ANKRD10: variants seen among roughly 807,000 people sequenced by gnomAD.
ANKRD10 encodes the protein ankyrin repeat domain-containing protein 10.
ANKRD10 carries 14 observed loss-of-function variants against 27.0 expected under a neutral mutation model. That is an observed-to-expected ratio of 0.52 (90% confidence interval 0.34 to 0.81). ANKRD10 has a LOEUF of 0.81. Among genes scored for constraint, ANKRD10 ranks in the 40% least tolerant of loss-of-function variants. The pLI is 0.01. For synonymous variants in ANKRD10, 250 were observed against 224.5 expected (o/e 1.11, Z -1.01); for missense variants, 493 against 544.0 (o/e 0.91, Z 0.93).
intron 4 of ANKRD10, among the ~76,000 whole-genome samples, chr13:110,891,051 T>C (rs916861821): frequency 1.3e-5 from 2 of 152,210 alleles, no homozygotes; most frequent in Non-Finnish European, 2.9e-5. Context: ...TCTAGGTGCA[T>C]TTTGAGTCCA....
chr13:110,894,252 A>G, intron 3 of ANKRD10: 1 of 1,279,218 alleles, frequency 7.8e-7, no homozygotes, highest in Non-Finnish European at 1.1e-6. Flanking sequence ...AACAAACGGG[A>G]GAAGTACTTA....
intron 4 of ANKRD10, among the ~76,000 whole-genome samples, chr13:110,889,922 G>C (rs1388516056): frequency 1.3e-5 from 2 of 152,130 alleles, no homozygotes; most frequent in Non-Finnish European, 2.9e-5. Flanking sequence ...CCTGGCACCT[G>C]TAACTTTTTT....
At position 110,914,905 on chromosome 13, in the gene ANKRD10, TACGCCC is replaced by T. The variant is rs750555076; in HGVS notation, c.24_29del (p.Gly9_Val10del). 159 of 1,537,560 alleles carry T rather than the reference TACGCCC, an allele frequency of 1.0e-4. No individual in the cohort carries two copies. Among genetic ancestry groups the T allele is most frequent in the Non-Finnish European group, 1.3e-4 (147 of 1,146,106 alleles). ...GCTCCTCGCTGGAGAAGCCCGCCTC[TACGCCC>T]GCGCCCGCTCCCGCCGCCGACATGG... On this transcript the variant is annotated inframe_deletion, in exon 1 of 6. Coordinates refer to ENST00000267339, the MANE Select transcript of ANKRD10 (RefSeq NM_017664.4).
In ANKRD10 at chr13:110,905,721, CTAGT is replaced by C. The variant is rs557443316; in HGVS notation, c.455+308_455+311del. On this transcript the variant is annotated intron_variant, in intron 3 of 5. Transcript: ENST00000267339. ...AAGTTTAAAGACCACAGTGACACAA[CTAGT>C]TAGTGGCAAAGTAATGGTGGCAAAG... 1.3e-4 allele frequency among the ~76,000 whole-genome samples: 20 copies of C among 152,312 alleles called. No individual in the cohort carries two copies. The South Asian group carries it at 3.9e-3, about 30-fold the overall frequency.
At chr13:110,889,535 G>A (rs1256870065) in intron 4 of ANKRD10, among the ~76,000 whole-genome samples, 2 of 152,156 alleles carry the variant, frequency 1.3e-5, no homozygotes, top group African/African-American at 4.8e-5. Flanking sequence ...TAATATTCAA[G>A]CAATACAAAA....
intron 2 of ANKRD10, among the ~76,000 whole-genome samples, chr13:110,908,066 A>G (rs1349885302): frequency 6.6e-6 from 1 of 151,520 alleles, no homozygotes; most frequent in Non-Finnish European, 1.5e-5. Flanking sequence ...AAGAGAAAAG[A>G]TACGTAAGAC....
chr13:110,895,095 A>G (rs985766220), intron 3 of ANKRD10: 16 of 152,344 alleles, frequency 1.1e-4, no homozygotes, highest in South Asian at 4.1e-4. Context: ...CAAGGAGAAC[A>G]TAAGTTTACA....
chr13:110,910,854 T>C, intron 1 of ANKRD10, 84 bp from the exon 2 acceptor site: 1 of 1,345,658 alleles, frequency 7.4e-7, no homozygotes, highest in Non-Finnish European at 1.0e-6. Context: ...AATTCTATAA[T>C]GGTGACAAAT....
At chr13:110,906,250 A>C in intron 2 of ANKRD10, 126 bp from the exon 3 acceptor site, 1 of 718,778 alleles carries the variant, frequency 1.4e-6, no homozygotes, top group East Asian at 2.8e-5. Context: ...GTTGAGCAAG[A>C]TCTGAAGCAG....
intron 1 of ANKRD10, among the ~76,000 whole-genome samples, chr13:110,912,680 G>T (rs2065753297): frequency 6.6e-6 from 1 of 152,210 alleles, no homozygotes; most frequent in Non-Finnish European, 1.5e-5. Flanking sequence ...GGCAACAAAC[G>T]AGTCTTACCA....
chr13:110,897,399 G>C (rs1351245194), intron 3 of ANKRD10, among the ~76,000 whole-genome samples: 1 of 149,258 alleles, frequency 6.7e-6, no homozygotes, highest in African/African-American at 2.5e-5. Context: ...ACCGAGATTA[G>C]AGGCATGAGC....
At chr13:110,896,043 C>T (rs574061727) in intron 3 of ANKRD10, among the ~76,000 whole-genome samples, 33 of 152,252 alleles carry the variant, frequency 2.2e-4, no homozygotes, top group African/African-American at 7.9e-4. Context: ...TACGTAAGGA[C>T]CAAGGAAGCA....
intron 4 of ANKRD10, among the ~76,000 whole-genome samples, chr13:110,891,626 A>T (rs1348880177): frequency 1.3e-5 from 2 of 152,200 alleles, no homozygotes; most frequent in Non-Finnish European, 2.9e-5. Context: ...AAGGTAGAAA[A>T]GATGATGTTG....
At chr13:110,899,741 T>C (rs2138859450) in intron 3 of ANKRD10, among the ~76,000 whole-genome samples, 1 of 152,270 alleles carries the variant, frequency 6.6e-6, no homozygotes, top group South Asian at 2.1e-4. Context: ...ATTTTCTCTC[T>C]ACTATTCTTT....
intron 2 of ANKRD10, among the ~76,000 whole-genome samples, chr13:110,909,623 G>T (rs1191093936): frequency 1.3e-5 from 2 of 152,068 alleles, no homozygotes; most frequent in African/African-American, 4.8e-5. Context: ...TCTTTTAAGG[G>T]GACAAACTGC....
intron 3 of ANKRD10, among the ~76,000 whole-genome samples, chr13:110,895,880 C>T (rs2065213005): frequency 6.6e-6 from 1 of 152,212 alleles, no homozygotes; most frequent in African/African-American, 2.4e-5. Context: ...AGCTCTCCCA[C>T]TTCACTTTTT....
At chr13:110,911,397 G>A (rs1231837837) in intron 1 of ANKRD10, among the ~76,000 whole-genome samples, 2 of 151,592 alleles carry the variant, frequency 1.3e-5, no homozygotes, top group African/African-American at 4.8e-5. Context: ...GGTTGCAGAG[G>A]GCTGAGATCA....
chr13:110,907,790 T>G (rs2065579786), intron 2 of ANKRD10, among the ~76,000 whole-genome samples: 1 of 151,788 alleles, frequency 6.6e-6, no homozygotes, highest in Non-Finnish European at 1.5e-5. Flanking sequence ...TAGTACAAAA[T>G]AAAGACAAAT....
At chr13:110,914,079 A>T (rs1202547020) in intron 1 of ANKRD10, among the ~76,000 whole-genome samples, 4 of 152,198 alleles carry the variant, frequency 2.6e-5, no homozygotes, top group Non-Finnish European at 1.5e-5. Context: ...AAGCGGGGCC[A>T]GCTACAAGCC....
Sources: allele counts gnomAD v4.1 joint callset (sites outside exome capture counted in the v4.1 genomes callset), GRCh38; gene constraint gnomAD v4.1.1; transcripts MANE v1.5; gene names NCBI Gene and HGNC (gene_info 2026-07-23, HGNC 2026-07-21).